Variants in CCDC7 observed in about 807,000 individuals in gnomAD.
The protein encoded by CCDC7 is coiled-coil domain containing 7.
Under a neutral mutation model 196.9 loss-of-function variants are expected in CCDC7, and 183 were observed. The observed-to-expected ratio is 0.93, with a 90% CI of 0.82 to 1.05. The LOEUF (loss-of-function observed/expected upper bound fraction) is 1.05. Ranked by LOEUF, CCDC7 falls within the 50% of genes least tolerant of loss-of-function variation. CCDC7 has a pLI of 0.00. For missense variants in CCDC7, 1,540 were observed against 1,482.2 expected (o/e 1.04, Z -0.64); for synonymous variants, 525 against 484.6 (o/e 1.08, Z -1.10).
At chr10:32,531,688 A>AACTTTGTTGG in intron 11 of CCDC7, among the ~76,000 whole-genome samples, 1 of 152,132 alleles carries the variant, frequency 6.6e-6, no homozygotes, top group East Asian at 1.9e-4. Flanking sequence ...TCCTGGGTTT[A>AACTTTGTTGG]ACTTTGTTGG....
intron 13 of CCDC7, among the ~76,000 whole-genome samples, chr10:32,558,869 G>A (rs1363127630): frequency 6.6e-6 from 1 of 152,240 alleles, no homozygotes; most frequent in Non-Finnish European, 1.5e-5. Context: ...GCGAGGCATT[G>A]CCTCACTCGG....
chr10:32,514,840 T>C (rs865975889), intron 9 of CCDC7, among the ~76,000 whole-genome samples: 75 of 152,312 alleles, frequency 4.9e-4, no homozygotes, highest in African/African-American at 1.6e-3. Context: ...ATTTTCTTTT[T>C]AAGAAACAGG....
chr10:32,487,067 G>C (rs2041258386), intron 8 of CCDC7, among the ~76,000 whole-genome samples: 1 of 152,120 alleles, frequency 6.6e-6, no homozygotes. Context: ...AGTTCTCCTG[G>C]ATAATATCCT....
At chr10:32,519,588 T>C (rs914239088) in intron 11 of CCDC7, among the ~76,000 whole-genome samples, 2 of 152,110 alleles carry the variant, frequency 1.3e-5, no homozygotes, top group African/African-American at 2.4e-5. Context: ...TAAAAAAATT[T>C]TTATTTTTGT....
chr10:32,447,540 T>G (rs1183987924), upstream of CCDC7, among the ~76,000 whole-genome samples: 2 of 152,220 alleles, frequency 1.3e-5, no homozygotes, highest in Non-Finnish European at 2.9e-5. Flanking sequence ...AATCTTGGTT[T>G]CTGCATCATT....
intron 18 of CCDC7, among the ~76,000 whole-genome samples, chr10:32,586,289 G>A (rs973027921): frequency 6.6e-6 from 1 of 152,132 alleles, no homozygotes; most frequent in Non-Finnish European, 1.5e-5. Flanking sequence ...TTGTCAGATG[G>A]ATAGATTGCA....
intron 21 of CCDC7, among the ~76,000 whole-genome samples, chr10:32,683,127 A>G (rs545230234): frequency 6.6e-6 from 1 of 152,156 alleles, no homozygotes; most frequent in Non-Finnish European, 1.5e-5. Context: ...ATATTTTTGA[A>G]TTTTACATTT....
At chr10:32,810,981 T>C (rs1488833911) in intron 30 of CCDC7, among the ~76,000 whole-genome samples, 1 of 151,586 alleles carries the variant, frequency 6.6e-6, no homozygotes, top group Non-Finnish European at 1.5e-5. Context: ...AAAATGAAAA[T>C]GCAACATATC....
chr10:32,845,718 A>G (rs2093248666), intron 35 of CCDC7, 92 bp downstream of exon 36: 3 of 1,217,680 alleles, frequency 2.5e-6, no homozygotes, highest in African/African-American at 1.5e-5. Context: ...AATAGTACCT[A>G]TATGTTGGTA....
intron 21 of CCDC7, among the ~76,000 whole-genome samples, chr10:32,671,727 G>C (rs554188677): frequency 6.6e-6 from 1 of 152,194 alleles, no homozygotes; most frequent in South Asian, 2.1e-4. Flanking sequence ...GACTAGTTTA[G>C]CTGTTGAAAG....
intron 18 of CCDC7, among the ~76,000 whole-genome samples, chr10:32,612,333 G>A (rs957744436): frequency 2.2e-5 from 3 of 138,660 alleles, no homozygotes; most frequent in Admixed American, 7.7e-5. Flanking sequence ...AGACAATGGG[G>A]TTTTCTAAAT....
At chr10:32,567,855 A>T in exon 15 of CCDC7, 1 of 1,613,574 alleles carries the variant, frequency 6.2e-7, no homozygotes. Context: ...ATTCAGGTGG[A>T]CAAAGGACAA....
chr10:32,626,202 T>C (rs2064023454), intron 18 of CCDC7, among the ~76,000 whole-genome samples: 1 of 152,092 alleles, frequency 6.6e-6, no homozygotes, highest in South Asian at 2.1e-4. Flanking sequence ...ACAAGAGTTA[T>C]CTTTTCTTCA....
At chr10:32,475,917 T>C (rs535573874) in intron 8 of CCDC7, among the ~76,000 whole-genome samples, 4 of 152,350 alleles carry the variant, frequency 2.6e-5, no homozygotes, top group Non-Finnish European at 4.4e-5. Flanking sequence ...AGAGAAGTTT[T>C]AGGTTCACAG....
At chr10:32,774,206 T>G (rs2079598849) in intron 28 of CCDC7, among the ~76,000 whole-genome samples, 1 of 152,168 alleles carries the variant, frequency 6.6e-6, no homozygotes, top group Admixed American at 6.5e-5. Context: ...GCCATCCACT[T>G]TACTCAATGT....
intron 23 of CCDC7, among the ~76,000 whole-genome samples, chr10:32,690,591 T>A (rs909270492): frequency 1.3e-5 from 2 of 152,126 alleles, no homozygotes; most frequent in African/African-American, 2.4e-5. Flanking sequence ...GTGTACAAGA[T>A]CTACTTAGTT....
chr10:32,673,489 G>C (rs1214689571), intron 21 of CCDC7, among the ~76,000 whole-genome samples: 2 of 151,946 alleles, frequency 1.3e-5, no homozygotes, highest in Non-Finnish European at 2.9e-5. Flanking sequence ...TTTCGAATAA[G>C]TGTATTGCTA....
At chr10:32,847,804 G>A in intron 37 of CCDC7, 29 bp from the exon 39 acceptor site, 1 of 1,383,536 alleles carries the variant, frequency 7.2e-7, no homozygotes, top group Non-Finnish European at 1.0e-6. Flanking sequence ...ACCTTAAAAA[G>A]TGTTTTGAAA....
At position 32,763,523 on chromosome 10, in the gene CCDC7, T is replaced by A. The variant is rs532387095; in HGVS notation, c.2906-15454T>A. Among the ~76,000 whole-genome samples the A allele has an allele frequency of 2.0e-5, 3 of 152,036 alleles. No individual in the cohort carries two copies. The South Asian group carries it at 6.2e-4, about 31-fold the overall frequency. ...ATGAAATAAATACCTAGTAAAGATA[T>A]CTGCATCCCCGTGTCCATGTAACAG... On this transcript the variant is annotated intron_variant, in intron 28 of 41. Coordinates refer to ENST00000639629, the Ensembl canonical transcript of CCDC7.
Sources: gnomAD v4.1 joint callset for allele counts (sites outside exome capture counted in the v4.1 genomes callset) on GRCh38, gnomAD v4.1.1 for gene constraint, MANE v1.5 for transcripts, NCBI Gene and HGNC (gene_info 2026-07-23, HGNC 2026-07-21) for gene names.